ARHGAP10: variants seen among roughly 807,000 people sequenced by gnomAD.
The protein encoded by ARHGAP10 is Rho GTPase activating protein 10, also known as rho GTPase-activating protein 10.
Under a neutral mutation model 108.6 loss-of-function variants are expected in ARHGAP10, and 87 were observed. The observed-to-expected ratio is 0.80, with a 90% CI of 0.67 to 0.96. The LOEUF (loss-of-function observed/expected upper bound fraction) is 0.96, where lower values mean the gene tolerates loss of function less well. Ranked by LOEUF, ARHGAP10 falls within the 40% of genes least tolerant of loss-of-function variation. The pLI is 0.00. For missense variants in ARHGAP10, 939 were observed against 954.5 expected (o/e 0.98, Z 0.21); for synonymous variants, 347 against 341.1 (o/e 1.02, Z -0.19).
At chr4:148,054,219 GTCACTGATT>G (rs1729266071) in intron 20 of ARHGAP10, among the ~76,000 whole-genome samples, 1 of 152,236 alleles carries the variant, frequency 6.6e-6, no homozygotes, top group Non-Finnish European at 1.5e-5. Flanking sequence ...ACATTGGTAA[GTCACTGATT>G]TCAAACAGGC....
At chr4:147,911,537 T>C (rs1461990444) in intron 12 of ARHGAP10, among the ~76,000 whole-genome samples, 1 of 152,200 alleles carries the variant, frequency 6.6e-6, no homozygotes, top group Non-Finnish European at 1.5e-5. Flanking sequence ...TAATTTATTG[T>C]ATTTTTAGTA....
chr4:147,794,979 T>C (rs1246413131), intron 1 of ARHGAP10, among the ~76,000 whole-genome samples: 2 of 152,262 alleles, frequency 1.3e-5, no homozygotes, highest in African/African-American at 4.8e-5. Flanking sequence ...CAGCTGCTTT[T>C]GCAGTTGACT....
At chr4:148,006,873 C>G (rs1740971681) in intron 18 of ARHGAP10, among the ~76,000 whole-genome samples, 2 of 152,172 alleles carry the variant, frequency 1.3e-5, no homozygotes, top group South Asian at 2.1e-4. Context: ...TCCATGCACC[C>G]TTTCCTTCCT....
In ARHGAP10 at chr4:147,857,660, AT is replaced by A; in HGVS notation, c.486+12del. ...AAGACTCACATTTACAAGAGGTATA[AT>A]TTTTTATTTTTCTGTTACGTTTTCA... On this transcript the variant is annotated splice_region_variant and intron_variant, in intron 5 of 22. Transcript: ENST00000336498. The A allele has an allele frequency of 6.9e-7, 1 of 1,447,404 alleles. No individual in the cohort carries two copies. Among genetic ancestry groups the A allele is most frequent in the Non-Finnish European group, 9.1e-7 (1 of 1,097,986 alleles). 89.7% of individuals were successfully genotyped at this position (1,447,404 alleles called of 1,614,324 possible).
chr4:147,873,651 C>T (rs1317946161), intron 7 of ARHGAP10, among the ~76,000 whole-genome samples: 3 of 137,394 alleles, frequency 2.2e-5, no homozygotes, highest in African/African-American at 5.3e-5. Flanking sequence ...CATAATGAGA[C>T]CCCTGTCTCT....
intron 19 of ARHGAP10, among the ~76,000 whole-genome samples, chr4:148,032,199 A>C (rs774829529): frequency 4.6e-5 from 7 of 152,144 alleles, no homozygotes; most frequent in African/African-American, 1.7e-4. Context: ...GGAAAGATCT[A>C]TTCCATCCCA....
At chr4:147,926,631 TGA>T (rs1379579824) in intron 13 of ARHGAP10, among the ~76,000 whole-genome samples, 1 of 152,164 alleles carries the variant, frequency 6.6e-6, no homozygotes, top group Non-Finnish European at 1.5e-5. Context: ...GGTAAGGTTT[TGA>T]GTGTCTAAGT....
chr4:147,984,251 C>A (rs1739941820), intron 18 of ARHGAP10, among the ~76,000 whole-genome samples: 1 of 152,188 alleles, frequency 6.6e-6, no homozygotes, highest in African/African-American at 2.4e-5. Flanking sequence ...GCGCCCTCCC[C>A]CAGTACACAT....
chr4:148,027,213 T>C (rs1338309643), intron 19 of ARHGAP10, among the ~76,000 whole-genome samples: 1 of 152,258 alleles, frequency 6.6e-6, no homozygotes, highest in Non-Finnish European at 1.5e-5. Context: ...AGGTTTTATA[T>C]GTATCTTCTG....
intron 16 of ARHGAP10, among the ~76,000 whole-genome samples, chr4:147,959,302 A>G (rs1359859022): frequency 6.6e-6 from 1 of 152,022 alleles, no homozygotes; most frequent in Non-Finnish European, 1.5e-5. Context: ...TTTAAAATAG[A>G]TTAGGATGGG....
chr4:147,782,380 G>A (rs1053115337), intron 1 of ARHGAP10, among the ~76,000 whole-genome samples: 1 of 152,084 alleles, frequency 6.6e-6, no homozygotes, highest in African/African-American at 2.4e-5. Context: ...TTTATTATCA[G>A]CATGAAATTA....
intron 3 of ARHGAP10, among the ~76,000 whole-genome samples, chr4:147,836,119 G>A (rs934522318): frequency 6.6e-6 from 1 of 152,158 alleles, no homozygotes; most frequent in Admixed American, 6.5e-5. Context: ...TTCAGTTAAT[G>A]TCCTTCAGAA....
At chr4:147,816,118 CCAGCATTCT>C (rs1732233431) in intron 1 of ARHGAP10, among the ~76,000 whole-genome samples, 1 of 152,072 alleles carries the variant, frequency 6.6e-6, no homozygotes, top group African/African-American at 2.4e-5. Flanking sequence ...TAGGTGGTCG[CCAGCATTCT>C]CGTCCTATCT....
chr4:147,980,494 T>A (rs1266052020), intron 18 of ARHGAP10, among the ~76,000 whole-genome samples: 1 of 152,120 alleles, frequency 6.6e-6, no homozygotes, highest in Non-Finnish European at 1.5e-5. Flanking sequence ...TGGCATGTAG[T>A]TTTTTGTTGT....
intron 1 of ARHGAP10, among the ~76,000 whole-genome samples, chr4:147,785,129 C>G (rs1374882561): frequency 8.0e-6 from 1 of 124,808 alleles, no homozygotes; most frequent in South Asian, 2.6e-4. Context: ...AGGGAAAGAA[C>G]AGCTCTGAAT....
chr4:147,790,953 A>G lies in ARHGAP10; in HGVS notation c.155-31774A>G, dbSNP rs568298132. Among the ~76,000 whole-genome samples, 18 of 152,212 alleles carry G rather than the reference A, an allele frequency of 1.2e-4. No homozygotes were observed. In the East Asian group the frequency reaches 2.9e-3, roughly 24 times the overall value. On this transcript the variant is annotated intron_variant, in intron 1 of 22. Coordinates refer to ENST00000336498, the MANE Select transcript of ARHGAP10 (RefSeq NM_024605.4). ...CCTCATCCTGTGTCCTTACCATTCT[A>G]TAAGTAACCACTATTGTGGATTTGG... is the stretch of plus-strand genomic sequence containing the variant.
chr4:147,801,179 C>T (rs962076917), intron 1 of ARHGAP10, among the ~76,000 whole-genome samples: 3 of 152,164 alleles, frequency 2.0e-5, no homozygotes, highest in Admixed American at 1.3e-4. Flanking sequence ...TATTTTTCTA[C>T]GTTCAGTAAA....
At chr4:147,965,691 T>C (rs1005290549) in intron 17 of ARHGAP10, among the ~76,000 whole-genome samples, 2 of 152,218 alleles carry the variant, frequency 1.3e-5, no homozygotes, top group African/African-American at 4.8e-5. Context: ...GGTCAGAAGA[T>C]ACTGTGATTT....
intron 14 of ARHGAP10, among the ~76,000 whole-genome samples, chr4:147,940,686 A>G (rs2635268): frequency 0.75 from 114,212 of 152,134 alleles, 46,967 homozygotes; most frequent in Non-Finnish European, 0.93. Flanking sequence ...AATATTAACA[A>G]TGCCCTCAGG....
Sources: allele counts gnomAD v4.1 joint callset (sites outside exome capture counted in the v4.1 genomes callset), GRCh38; gene constraint gnomAD v4.1.1; transcripts MANE v1.5; gene names NCBI Gene and HGNC (gene_info 2026-07-23, HGNC 2026-07-21).